RALYL: variants seen among roughly 807,000 people sequenced by gnomAD.
RALYL encodes RNA-binding Raly-like protein.
In RALYL, 29 loss-of-function variants were observed where a neutral mutation model predicts 35.1. The observed-to-expected ratio is 0.83, with a 90% confidence interval of 0.61 to 1.13. RALYL has a LOEUF of 1.13. Among genes scored for constraint, RALYL ranks in the 50% most tolerant of loss-of-function variants. The probability of loss-of-function intolerance (pLI) is 0.00; values close to 1 mark genes in which losing one functional copy is unlikely to be tolerated. For synonymous variants in RALYL, 120 were observed against 127.6 expected (o/e 0.94, Z 0.40); for missense variants, 359 against 360.4 (o/e 1.00, Z 0.03).
intron 4 of RALYL, among the ~76,000 whole-genome samples, chr8:84,843,435 G>A (rs1471939934): frequency 6.6e-6 from 1 of 152,120 alleles, no homozygotes; most frequent in Non-Finnish European, 1.5e-5. Flanking sequence ...TCTTCAAGGA[G>A]AACTACAAAC....
intron 1 of RALYL, among the ~76,000 whole-genome samples, chr8:84,521,111 G>C (rs894057830): frequency 4.6e-5 from 7 of 152,220 alleles, no homozygotes; most frequent in African/African-American, 1.4e-4. Context: ...TTGAAGGTGG[G>C]GCCTTTGGTA....
chr8:84,550,221 C>T (rs1443102398), intron 2 of RALYL, among the ~76,000 whole-genome samples: 1 of 152,062 alleles, frequency 6.6e-6, no homozygotes, highest in African/African-American at 2.4e-5. Flanking sequence ...CTCTATCCTT[C>T]TCCCTCTCTC....
chr8:84,902,664 A>T (rs1342964327), intron 8 of RALYL, among the ~76,000 whole-genome samples: 1 of 152,118 alleles, frequency 6.6e-6, no homozygotes, highest in Non-Finnish European at 1.5e-5. Flanking sequence ...AATCGTTTCC[A>T]TTTGCCCTTA....
intron 1 of RALYL, among the ~76,000 whole-genome samples, chr8:84,496,476 C>G (rs1327726607): frequency 1.3e-5 from 2 of 151,998 alleles, no homozygotes; most frequent in African/African-American, 4.8e-5. Flanking sequence ...TTTGGTACCC[C>G]TATAATGTGA....
chr8:84,648,824 A>G (rs1281737746), intron 2 of RALYL, among the ~76,000 whole-genome samples: 5 of 150,866 alleles, frequency 3.3e-5, no homozygotes, highest in Admixed American at 6.6e-5. Context: ...ATAAAATTTA[A>G]ATAATACTAT....
intron 1 of RALYL, among the ~76,000 whole-genome samples, chr8:84,342,446 A>G (rs1442926507): frequency 6.6e-6 from 1 of 150,830 alleles, no homozygotes; most frequent in African/African-American, 2.4e-5. Context: ...AGAGGAATAT[A>G]TAATACACTG....
intron 2 of RALYL, among the ~76,000 whole-genome samples, chr8:84,752,231 C>T (rs139827273): frequency 4.9e-4 from 74 of 152,238 alleles, no homozygotes; most frequent in African/African-American, 1.3e-3. Context: ...TAGGGATCTG[C>T]GGAACTTTGA....
At chr8:84,775,667 C>G (rs1194380921) in intron 3 of RALYL, among the ~76,000 whole-genome samples, 1 of 152,168 alleles carries the variant, frequency 6.6e-6, no homozygotes, top group Non-Finnish European at 1.5e-5. Context: ...GTGTCTATAT[C>G]TATGCGGAGA....
At chr8:84,753,014 G>A (rs1217286538) in intron 2 of RALYL, among the ~76,000 whole-genome samples, 1 of 152,134 alleles carries the variant, frequency 6.6e-6, no homozygotes, top group Non-Finnish European at 1.5e-5. Context: ...AGCTTGCATT[G>A]TGTGCCTGGA....
chr8:84,873,673 C>T (rs990191938), intron 7 of RALYL, among the ~76,000 whole-genome samples: 2 of 152,126 alleles, frequency 1.3e-5, no homozygotes, highest in African/African-American at 4.8e-5. Context: ...ACAGTTGAAA[C>T]TTTATCTCAA....
At chr8:84,217,991 AT>A (rs938578083) in intron 1 of RALYL, among the ~76,000 whole-genome samples, 7 of 151,884 alleles carry the variant, frequency 4.6e-5, no homozygotes, top group African/African-American at 1.2e-4. Context: ...AACATTTAAG[AT>A]TTTTTTTCTT....
At chr8:84,673,625 T>TGG (rs1833672053) in intron 2 of RALYL, among the ~76,000 whole-genome samples, 1 of 152,192 alleles carries the variant, frequency 6.6e-6, no homozygotes, top group Non-Finnish European at 1.5e-5. Context: ...AACAATTTAT[T>TGG]GAATAGGGAA....
chr8:84,300,271 T>G (rs551927666), intron 1 of RALYL, among the ~76,000 whole-genome samples: 1 of 152,194 alleles, frequency 6.6e-6, no homozygotes, highest in East Asian at 1.9e-4. Context: ...TAGTACTGAC[T>G]TCTATTTTTG....
At chr8:84,649,193 T>C (rs1828151084) in intron 2 of RALYL, among the ~76,000 whole-genome samples, 1 of 152,122 alleles carries the variant, frequency 6.6e-6, no homozygotes. Context: ...TCTTTAACTT[T>C]CTAAAATTTA....
chr8:84,690,434 T>C (rs553635080), intron 2 of RALYL, among the ~76,000 whole-genome samples: 1 of 152,182 alleles, frequency 6.6e-6, no homozygotes, highest in Non-Finnish European at 1.5e-5. Flanking sequence ...TTTTGCAGGA[T>C]GAATAAGTTT....
chr8:84,580,771 A>C (rs114199488), intron 2 of RALYL, among the ~76,000 whole-genome samples: 8 of 152,204 alleles, frequency 5.3e-5, no homozygotes, highest in Admixed American at 3.9e-4. Context: ...ATTGCTGCAT[A>C]ATAAGTCACC....
chr8:84,222,066 T>C (rs1018684368), intron 1 of RALYL, among the ~76,000 whole-genome samples: 2 of 152,150 alleles, frequency 1.3e-5, no homozygotes, highest in African/African-American at 4.8e-5. Flanking sequence ...TTAGCATTGC[T>C]TAATCACCTA....
rs116002273 is a variant in RALYL at position 84,504,291 on chromosome 8, T to C, written c.-23-25008T>C. Among the ~76,000 whole-genome samples, 224 of 152,206 alleles carry C rather than the reference T, an allele frequency of 1.5e-3. 2 individuals carry two copies. The highest frequency in any genetic ancestry group is 4.7e-3 in the African/African-American group (196 of 41,550). ...TGACCTATTCATTTCACCAATCAGA[T>C]TGATAGAAACTAAATTTTTGTTCAT... On this transcript the variant is annotated intron_variant, in intron 1 of 8. Transcript: ENST00000521268.
chr8:84,360,973 AAAAAG>A (rs1563789687), intron 1 of RALYL, among the ~76,000 whole-genome samples: 1 of 151,826 alleles, frequency 6.6e-6, no homozygotes, highest in Non-Finnish European at 1.5e-5. Context: ...AAAAAAAAAA[AAAAAG>A]AAAAATAAGA....
Sources: allele counts gnomAD v4.1 joint callset (sites outside exome capture counted in the v4.1 genomes callset), GRCh38; gene constraint gnomAD v4.1.1; transcripts MANE v1.5; gene names NCBI Gene and HGNC (gene_info 2026-07-23, HGNC 2026-07-21).